PSMG2: variants seen among roughly 807,000 people sequenced by gnomAD.
PSMG2 encodes the protein proteasome assembly chaperone 2.
A neutral mutation model predicts 31.5 loss-of-function variants in PSMG2; 21 were observed. That is an observed-to-expected ratio of 0.67 (90% CI 0.47 to 0.96). The LOEUF is 0.96. Ranked by LOEUF, PSMG2 falls within the 40% of genes least tolerant of loss-of-function variation. The pLI is 0.00. For missense variants in PSMG2, 318 were observed against 321.2 expected (o/e 0.99, Z 0.08); for synonymous variants, 120 against 110.4 (o/e 1.09, Z -0.54).
chr18:12,693,810 T>C (rs1375596263), intron 1 of PSMG2, among the ~76,000 whole-genome samples: 4 of 152,082 alleles, frequency 2.6e-5, no homozygotes, highest in Non-Finnish European at 4.4e-5. Context: ...ACCCCTCACG[T>C]ATACACATAA....
intron 1 of PSMG2, among the ~76,000 whole-genome samples, chr18:12,694,379 C>A (rs189214745): frequency 6.6e-6 from 1 of 152,088 alleles, no homozygotes; most frequent in Non-Finnish European, 1.5e-5. Flanking sequence ...AGTGCCATCC[C>A]GGCAAGTCAG....
chr18:12,670,983 A>G (rs1478791016), intron 1 of PSMG2: 5 of 152,162 alleles, frequency 3.3e-5, no homozygotes, highest in African/African-American at 1.2e-4. Context: ...AATTTTCTAC[A>G]GTCATGTCAG....
At chr18:12,702,976 G>A, upstream of PSMG2, 1 of 1,040,010 alleles carries the variant, frequency 9.6e-7, no homozygotes, top group Non-Finnish European at 1.3e-6. Flanking sequence ...GGGCCTCAAG[G>A]GCCCGGCGCC....
intron 1 of PSMG2, among the ~76,000 whole-genome samples, chr18:12,690,024 G>A (rs1298382564): frequency 6.6e-6 from 1 of 152,172 alleles, no homozygotes; most frequent in African/African-American, 2.4e-5. Flanking sequence ...CCTGACCTCA[G>A]AGGATCCACC....
intron 1 of PSMG2, among the ~76,000 whole-genome samples, chr18:12,697,653 C>T (rs1568032352): frequency 6.6e-6 from 1 of 152,180 alleles, no homozygotes; most frequent in Non-Finnish European, 1.5e-5. Flanking sequence ...TCAGTGCTTT[C>T]TGATTCATAA....
Position 12,718,602 on chromosome 18 carries a change from A to T in PSMG2, c.374A>T (p.His125Leu). 1 of 1,610,748 alleles carries T rather than the reference A, an allele frequency of 6.2e-7. No homozygotes were observed. Among genetic ancestry groups the T allele is most frequent in the Non-Finnish European group, 8.5e-7 (1 of 1,177,948 alleles). Residue 125 changes from histidine to leucine, a missense_variant, in exon 4 of 7, where the codon CAT becomes CTT. Coordinates refer to ENST00000317615, the MANE Select transcript of PSMG2 (RefSeq NM_020232.5). The part of the protein sequence containing the change: ...CARVIVLSSS[H>L]SYQRNDLQLR... ...AGAGTCATTGTTCTTTCAAGCAGTCATTCATATCAGCGTAATGATCTGCAG... is the reference window on the plus strand; with the variant it reads ...AGAGTCATTGTTCTTTCAAGCAGTCTTTCATATCAGCGTAATGATCTGCAG...
intron 2 of PSMG2, among the ~76,000 whole-genome samples, chr18:12,712,436 T>TTC (rs2040340499): frequency 6.6e-6 from 1 of 152,210 alleles, no homozygotes; most frequent in Admixed American, 6.5e-5. Context: ...GTTTTGCAGT[T>TTC]AAAGTCAAAA....
intron 1 of PSMG2, among the ~76,000 whole-genome samples, chr18:12,672,428 T>C (rs890436292): frequency 2.0e-5 from 3 of 152,202 alleles, no homozygotes; most frequent in Non-Finnish European, 2.9e-5. Context: ...ACAAAATTTT[T>C]AAAACGTGCT....
At chr18:12,693,760 C>A (rs189974876) in intron 1 of PSMG2, among the ~76,000 whole-genome samples, 3 of 152,026 alleles carry the variant, frequency 2.0e-5, no homozygotes, top group East Asian at 3.9e-4. Flanking sequence ...TCCAACCTGG[C>A]GACAGAGCGA....
chr18:12,701,641 C>T (rs1376120549), upstream of PSMG2, among the ~76,000 whole-genome samples: 1 of 152,178 alleles, frequency 6.6e-6, no homozygotes. Flanking sequence ...TAAATGGTCG[C>T]TTTTATCACT....
At chr18:12,686,395 C>T (rs2039541317) in intron 1 of PSMG2, 2 of 1,613,938 alleles carry the variant, frequency 1.2e-6, no homozygotes, top group South Asian at 1.1e-5. Context: ...AAGAAGCCGT[C>T]CAGCTCGAAG....
intron 1 of PSMG2, among the ~76,000 whole-genome samples, chr18:12,680,201 A>G (rs1370823326): frequency 6.6e-6 from 1 of 152,202 alleles, no homozygotes; most frequent in East Asian, 1.9e-4. Context: ...CCATAATTGA[A>G]GTACTTTTTT....
intron 1 of PSMG2, chr18:12,673,429 G>C: frequency 6.2e-7 from 1 of 1,604,698 alleles, no homozygotes; most frequent in African/African-American, 1.3e-5. Flanking sequence ...TTCAGGGTAA[G>C]TAAATACTCG....
At chr18:12,709,942 A>G (rs1174276054) in intron 2 of PSMG2, among the ~76,000 whole-genome samples, 3 of 149,390 alleles carry the variant, frequency 2.0e-5, no homozygotes, top group Non-Finnish European at 3.0e-5. Flanking sequence ...AGCCCTCATA[A>G]ACTTTTTTTT....
At chr18:12,698,747 C>A, upstream of PSMG2, 1 of 530,544 alleles carries the variant, frequency 1.9e-6, no homozygotes, top group Non-Finnish European at 3.3e-6. Context: ...GTGTGTATTA[C>A]TAAAGAATCA....
intron 1 of PSMG2, chr18:12,686,125 A>G (rs2039532689): frequency 1.8e-6 from 1 of 545,210 alleles, no homozygotes; most frequent in African/African-American, 1.9e-5. Flanking sequence ...AGTTGGTTGA[A>G]TCTACAGATA....
At chr18:12,686,733 C>A in intron 1 of PSMG2, 1 of 260,634 alleles carries the variant, frequency 3.8e-6, no homozygotes, top group Non-Finnish European at 7.4e-6. Context: ...GCAATAAGAA[C>A]TCCTCTGAGA....
At chr18:12,688,723 C>G (rs1437018705) in intron 1 of PSMG2, among the ~76,000 whole-genome samples, 1 of 152,076 alleles carries the variant, frequency 6.6e-6, no homozygotes, top group Non-Finnish European at 1.5e-5. Flanking sequence ...ATTTAAAATT[C>G]AATTATTTTT....
chr18:12,679,158 G>A (rs979854902), intron 1 of PSMG2: 4 of 151,922 alleles, frequency 2.6e-5, no homozygotes, highest in Non-Finnish European at 5.9e-5. Flanking sequence ...CAGCCAGAGA[G>A]GAATAATAAA....
Sources: allele counts gnomAD v4.1 joint callset (sites outside exome capture counted in the v4.1 genomes callset), GRCh38; gene constraint gnomAD v4.1.1; transcripts MANE v1.5; gene names NCBI Gene and HGNC (gene_info 2026-07-23, HGNC 2026-07-21).